DENND2A: variants seen among roughly 807,000 people sequenced by gnomAD.
DENND2A encodes DENN domain-containing protein 2A.
A neutral mutation model predicts 105.3 loss-of-function variants in DENND2A; 53 were observed. That is an observed-to-expected ratio of 0.50 (90% CI 0.40 to 0.63). The LOEUF (loss-of-function observed/expected upper bound fraction) is 0.63, where lower values mean the gene tolerates loss of function less well. Ranked by LOEUF, DENND2A falls within the 30% of genes least tolerant of loss-of-function variation. DENND2A has a pLI of 0.00. For missense variants in DENND2A, 1,138 were observed against 1,279.6 expected, an observed-to-expected ratio of 0.89 and a Z score of 1.69; for synonymous variants, 522 against 508.4, an observed-to-expected ratio of 1.03 and a Z score of -0.36.
Position 140,640,097 on chromosome 7 carries a change from ACGCACACACT to A in DENND2A, c.-248+397_-248+406del, listed in dbSNP as rs1801130368. 6.5e-6 allele frequency: 1 copy of A among 152,834 alleles called. No individual in the cohort carries two copies. Among genetic ancestry groups the A allele is most frequent in the Non-Finnish European group, 1.5e-5 (1 of 68,580 alleles). The allele number at this position is 152,834 out of a possible 1,614,324, so 9.5% of individuals were successfully genotyped here. ...CTCGATGCCCCGCGCTTGCACGCGCACGCACACACTCACACACACTCGCACAGACACACTC... is the reference window on the plus strand; with the variant it reads ...CTCGATGCCCCGCGCTTGCACGCGCACACACACACTCGCACAGACACACTC... On this transcript the variant is annotated intron_variant, in intron 1 of 19. Transcript: ENST00000496613. This position sits in a 1 kb window ranked among gnomAD's most constrained non-coding sequence, Gnocchi z 4.9.
intron 12 of DENND2A, among the ~76,000 whole-genome samples, chr7:140,552,765 A>T (rs1257294358): frequency 6.6e-6 from 1 of 151,990 alleles, no homozygotes; most frequent in Admixed American, 6.6e-5. Context: ...GAGTGCAGTG[A>T]TACGATCACA....
intron 9 of DENND2A, among the ~76,000 whole-genome samples, chr7:140,563,469 A>G (rs1242716634): frequency 2.1e-4 from 32 of 152,110 alleles, no homozygotes; most frequent in Admixed American, 2.1e-3. Context: ...GAAACATTTT[A>G]ATGGAACATT....
chr7:140,587,052 A>T (rs1470163494), intron 4 of DENND2A, among the ~76,000 whole-genome samples: 2 of 152,196 alleles, frequency 1.3e-5, no homozygotes, highest in African/African-American at 4.8e-5. Flanking sequence ...ATCTCAGAGG[A>T]CGCTTTAGAG....
chr7:140,602,148 T>C lies in DENND2A; in HGVS notation c.250A>G (p.Ser84Gly), dbSNP rs772983452. ...YLPSSTVERR[S>G]SDGVRTQVTE... The stretch of plus-strand genomic sequence containing the variant: ...ACCTGAGTTCTCACCCCATCACTAC[T>C]CCTCCTCTCCACCGTAGAGGACGGC... Residue 84 changes from serine to glycine, a missense_variant, in exon 3 of 20, where the codon AGT (serine) becomes GGT (glycine). This residue lies in a region of DENND2A where 511 missense variants were observed against 499.9 expected (regional missense o/e 1.02). Transcript: ENST00000496613. The C allele has an allele frequency of 6.2e-7, 1 of 1,614,116 alleles. No individual in the cohort carries two copies. Among genetic ancestry groups the C allele is most frequent in the East Asian group, 2.2e-5 (1 of 44,850 alleles).
At chr7:140,542,685 C>T (rs1290519448) in intron 14 of DENND2A, among the ~76,000 whole-genome samples, 11 of 151,514 alleles carry the variant, frequency 7.3e-5, no homozygotes, top group Non-Finnish European at 7.4e-5. Context: ...CTTCAAGCCT[C>T]CCAGGTAGCT....
At chr7:140,590,877 G>GAAT (rs145861724) in intron 3 of DENND2A, among the ~76,000 whole-genome samples, 2 of 140,964 alleles carry the variant, frequency 1.4e-5, no homozygotes, top group South Asian at 2.1e-4. Context: ...TGTTTCTGGG[G>GAAT]AATAATAATA....
intron 12 of DENND2A, among the ~76,000 whole-genome samples, chr7:140,551,403 C>T (rs905607561): frequency 1.3e-4 from 19 of 151,970 alleles, no homozygotes; most frequent in Non-Finnish European, 2.5e-4. Flanking sequence ...GGTTCTCTGG[C>T]CAGGCCTTAG....
intron 1 of DENND2A, among the ~76,000 whole-genome samples, chr7:140,629,360 C>A (rs1800652496): frequency 6.6e-6 from 1 of 152,106 alleles, no homozygotes. Context: ...CCAAGAAAGA[C>A]TCCATTGGAT....
intron 14 of DENND2A, among the ~76,000 whole-genome samples, chr7:140,538,818 A>T (rs115892192): frequency 0.015 from 2,141 of 145,312 alleles, 47 homozygotes; most frequent in African/African-American, 0.051. Flanking sequence ...TTTTTAAAAA[A>T]TTTTTTCTTT....
chr7:140,614,066 C>T (rs1800001157), intron 1 of DENND2A, among the ~76,000 whole-genome samples: 2 of 152,042 alleles, frequency 1.3e-5, no homozygotes, highest in African/African-American at 2.4e-5. Flanking sequence ...CTCAAAGCCT[C>T]TTTGGAAAAA....
chr7:140,601,484 G>C lies in DENND2A; in HGVS notation c.914C>G (p.Pro305Arg), dbSNP rs763493748. The C allele has an allele frequency of 6.8e-6, 11 of 1,613,786 alleles. No homozygotes were observed. The highest frequency in any genetic ancestry group is 1.7e-5 in the Admixed American group (1 of 59,970). The change falls in exon 3 of 20, where the codon CCG becomes CGG. Residue 305 changes from proline to arginine, a missense_variant. Physicochemically the swap from Pro to Arg is moderately radical, Grantham distance 103 (BLOSUM62 -2). This residue lies in a region of DENND2A where 511 missense variants were observed against 499.9 expected (regional missense o/e 1.02). Transcript: ENST00000496613. ...NLPPLPSLPP[P>R]PLPSSPPPSS... Reference sequence around the variant, plus strand: ...AGGTGGGGGAGAGGAGGGCAGAGGCGGGGGAGGTAGAGAGGGCAGAGGAGG... The same window carrying C: ...AGGTGGGGGAGAGGAGGGCAGAGGCCGGGGAGGTAGAGAGGGCAGAGGAGG...
chr7:140,635,189 G>T (rs1441826194), intron 1 of DENND2A, among the ~76,000 whole-genome samples: 1 of 151,982 alleles, frequency 6.6e-6, no homozygotes. Context: ...CTTGAGCCCA[G>T]GAGGTAGAAG....
intron 14 of DENND2A, among the ~76,000 whole-genome samples, chr7:140,542,996 T>A (rs1028989143): frequency 3.3e-5 from 5 of 152,008 alleles, no homozygotes; most frequent in Non-Finnish European, 7.4e-5. Flanking sequence ...TCCCTGGGAG[T>A]GAGTGCCCTC....
At chr7:140,634,715 T>C (rs1320534243) in intron 1 of DENND2A, among the ~76,000 whole-genome samples, 1 of 151,336 alleles carries the variant, frequency 6.6e-6, no homozygotes, top group Non-Finnish European at 1.5e-5. Context: ...TACTAAAAAA[T>C]ACAAAAACTA....
At chr7:140,607,558 G>A (rs1216355221) in intron 1 of DENND2A, among the ~76,000 whole-genome samples, 1 of 152,144 alleles carries the variant, frequency 6.6e-6, no homozygotes, top group African/African-American at 2.4e-5. Context: ...CTTTAAAGAA[G>A]CCAGGCCCCA....
At chr7:140,565,528 C>T (rs1797803604) in intron 9 of DENND2A, among the ~76,000 whole-genome samples, 1 of 152,008 alleles carries the variant, frequency 6.6e-6, no homozygotes. Flanking sequence ...ATGTCAAAGC[C>T]TAAGAATAAT....
intron 1 of DENND2A, among the ~76,000 whole-genome samples, chr7:140,635,431 G>C (rs530959805): frequency 6.6e-6 from 1 of 152,314 alleles, no homozygotes; most frequent in South Asian, 2.1e-4. Context: ...GAAGTGGTCT[G>C]ATAAGCCCTT....
At chr7:140,599,109 G>A (rs1021993318) in intron 3 of DENND2A, among the ~76,000 whole-genome samples, 1 of 152,098 alleles carries the variant, frequency 6.6e-6, no homozygotes, top group African/African-American at 2.4e-5. Flanking sequence ...GGCCAAGGCA[G>A]GCAGATCACT....
intron 1 of DENND2A, among the ~76,000 whole-genome samples, chr7:140,631,059 C>G (rs1800717606): frequency 6.6e-6 from 1 of 152,134 alleles, no homozygotes; most frequent in Non-Finnish European, 1.5e-5. Flanking sequence ...GCAGATTCAT[C>G]ACTGCACCCA....
Sources: allele counts gnomAD v4.1 joint callset (sites outside exome capture counted in the v4.1 genomes callset), GRCh38; gene constraint gnomAD v4.1.1; regional missense constraint gnomAD v4.1.1; non-coding constraint Gnocchi (gnomAD v3.1); transcripts MANE v1.5; gene names NCBI Gene and HGNC (gene_info 2026-07-23, HGNC 2026-07-21).